The following ST6GALNAC3 variants were observed in gnomAD, a reference collection of about 807,000 sequenced individuals.
ST6GALNAC3 encodes alpha-N-acetylgalactosaminide alpha-2,6-sialyltransferase 3.
Under a neutral mutation model 32.7 loss-of-function variants are expected in ST6GALNAC3, and 25 were observed. The ratio of observed to expected loss-of-function variants is 0.76; its 90% CI spans 0.56 to 1.07. The LOEUF is 1.07. Among genes scored for constraint, ST6GALNAC3 ranks in the 50% least tolerant of loss-of-function variants. The pLI is 0.00. For synonymous variants in ST6GALNAC3, 129 were observed against 133.1 expected, an observed-to-expected ratio of 0.97 and a Z score of 0.21; for missense variants, 355 against 382.4, an observed-to-expected ratio of 0.93 and a Z score of 0.60.
intron 3 of ST6GALNAC3, among the ~76,000 whole-genome samples, chr1:76,529,571 CA>C (rs1248414980): frequency 6.6e-6 from 1 of 152,122 alleles, no homozygotes; most frequent in Non-Finnish European, 1.5e-5. Context: ...AAGTTTAGCC[CA>C]ATCCCAATTA....
chr1:76,166,769 G>A (rs972921236), intron 1 of ST6GALNAC3, among the ~76,000 whole-genome samples: 4 of 152,134 alleles, frequency 2.6e-5, no homozygotes, highest in Non-Finnish European at 5.9e-5. Context: ...TGGCAATTGT[G>A]AGTAGGATTG....
chr1:76,170,454 G>T (rs1652417716), intron 1 of ST6GALNAC3, among the ~76,000 whole-genome samples: 1 of 152,150 alleles, frequency 6.6e-6, no homozygotes, highest in Non-Finnish European at 1.5e-5. Context: ...CATGGGGGAG[G>T]ACTGTTGTTC....
At chr1:76,535,503 T>C (rs1663540577) in intron 3 of ST6GALNAC3, among the ~76,000 whole-genome samples, 2 of 152,176 alleles carry the variant, frequency 1.3e-5, no homozygotes, top group Admixed American at 1.3e-4. Flanking sequence ...TAAAGGAATA[T>C]TGTCCTTCAA....
At chr1:76,636,037 T>C (rs918942427), downstream of ST6GALNAC3, among the ~76,000 whole-genome samples, 3 of 152,092 alleles carry the variant, frequency 2.0e-5, no homozygotes, top group African/African-American at 7.2e-5. Flanking sequence ...TATGGGTGAG[T>C]TGTTTGTTTT....
intron 1 of ST6GALNAC3, among the ~76,000 whole-genome samples, chr1:76,101,747 A>G (rs1427710715): frequency 6.6e-6 from 1 of 152,192 alleles, no homozygotes; most frequent in Non-Finnish European, 1.5e-5. Context: ...TCATTTTATT[A>G]TCATTCAGTT....
downstream of ST6GALNAC3, among the ~76,000 whole-genome samples, chr1:76,635,817 G>A (rs1013696266): frequency 3.3e-5 from 5 of 152,022 alleles, no homozygotes; most frequent in African/African-American, 1.2e-4. Flanking sequence ...AGGATCTTGT[G>A]CTGGAAGGTT....
intron 3 of ST6GALNAC3, among the ~76,000 whole-genome samples, chr1:76,504,164 A>T (rs985608017): frequency 6.6e-6 from 1 of 152,146 alleles, no homozygotes; most frequent in Non-Finnish European, 1.5e-5. Context: ...CTGAGAGGCA[A>T]TGTGTCCCAT....
At chr1:76,439,599 A>G (rs528551991) in intron 3 of ST6GALNAC3, among the ~76,000 whole-genome samples, 114 of 152,360 alleles carry the variant, frequency 7.5e-4, no homozygotes, top group Middle Eastern at 6.8e-3. Context: ...TTGGCAACCA[A>G]CTAAAGATAC....
chr1:76,479,034 A>T (rs1236552066), intron 3 of ST6GALNAC3, among the ~76,000 whole-genome samples: 1 of 152,060 alleles, frequency 6.6e-6, no homozygotes, highest in Non-Finnish European at 1.5e-5. Flanking sequence ...AAGTGCTGGG[A>T]TTACAGGCGT....
chr1:76,298,177 C>G (rs1343014873), intron 1 of ST6GALNAC3, among the ~76,000 whole-genome samples: 1 of 151,964 alleles, frequency 6.6e-6, no homozygotes, highest in Non-Finnish European at 1.5e-5. Flanking sequence ...ATAGACAACT[C>G]CCTCTCACCT....
chr1:76,446,905 C>CT (rs1047948105), intron 3 of ST6GALNAC3, among the ~76,000 whole-genome samples: 47 of 152,238 alleles, frequency 3.1e-4, no homozygotes, highest in African/African-American at 1.1e-3. Flanking sequence ...TTGGGTATGT[C>CT]TTTATCAGCA....
chr1:76,232,031 A>T (rs1656387001), intron 1 of ST6GALNAC3, among the ~76,000 whole-genome samples: 1 of 152,176 alleles, frequency 6.6e-6, no homozygotes, highest in African/African-American at 2.4e-5. Flanking sequence ...CAAGGGAGAA[A>T]CTTCACTTAC....
intron 3 of ST6GALNAC3, among the ~76,000 whole-genome samples, chr1:76,458,918 AAAT>A (rs1310251095): frequency 6.6e-6 from 1 of 152,092 alleles, no homozygotes; most frequent in East Asian, 1.9e-4. Context: ...AAAAAAGGAA[AAAT>A]AATCTTGTAA....
chr1:76,615,708 G>C (rs1483892157), intron 3 of ST6GALNAC3, among the ~76,000 whole-genome samples: 1 of 152,066 alleles, frequency 6.6e-6, no homozygotes, highest in Non-Finnish European at 1.5e-5. Context: ...CTCAAATAAG[G>C]GACATTTTCT....
intron 2 of ST6GALNAC3, among the ~76,000 whole-genome samples, chr1:76,380,385 C>T (rs1470957198): frequency 6.6e-6 from 1 of 152,100 alleles, no homozygotes; most frequent in Admixed American, 6.5e-5. Flanking sequence ...AGTGCAACCC[C>T]TGTGGTAAAC....
intron 1 of ST6GALNAC3, among the ~76,000 whole-genome samples, chr1:76,126,454 C>CCTTCCTTCCTT (rs1324424621): frequency 2.0e-5 from 1 of 49,532 alleles, no homozygotes; most frequent in Non-Finnish European, 4.1e-5. Context: ...CTTCCTTCCT[C>CCTTCCTTCCTT]TCTCTCTGTC....
intron 1 of ST6GALNAC3, among the ~76,000 whole-genome samples, chr1:76,281,025 A>G (rs1021749590): frequency 2.0e-5 from 3 of 152,200 alleles, no homozygotes; most frequent in African/African-American, 7.2e-5. Context: ...ATATCATCAT[A>G]GTCTTTTGAG....
chr1:76,302,028 T>TA (rs1168420239), intron 1 of ST6GALNAC3, among the ~76,000 whole-genome samples: 2 of 152,036 alleles, frequency 1.3e-5, no homozygotes, highest in East Asian at 1.9e-4. Flanking sequence ...GCACCATTTC[T>TA]GATTCTTTGT....
Position 76,495,659 on chromosome 1 carries a change from T to C in ST6GALNAC3, c.623+83242T>C, listed in dbSNP as rs553755187. Among the ~76,000 whole-genome samples the C allele has an allele frequency of 4.6e-4, 70 of 152,160 alleles. 1 individual carries two copies. The Middle Eastern group carries it at 0.017, about 37-fold the overall frequency. On this transcript the variant is annotated intron_variant, in intron 3 of 4. Coordinates refer to ENST00000328299, the MANE Select transcript of ST6GALNAC3 (RefSeq NM_152996.4). ...TCCTAAAGATAAACTTTTAAATCAA[T>C]AGGTATCTCACAGTACTTTGTGAAG...
Sources: allele counts gnomAD v4.1 joint callset (sites outside exome capture counted in the v4.1 genomes callset), GRCh38; gene constraint gnomAD v4.1.1; transcripts MANE v1.5; gene names NCBI Gene and HGNC (gene_info 2026-07-23, HGNC 2026-07-21).